The following ITGAL variants were observed in gnomAD, a reference collection of about 807,000 sequenced individuals.
The protein encoded by ITGAL is integrin alpha-L.
In ITGAL, 68 loss-of-function variants were observed where a neutral mutation model predicts 138.4. That is an observed-to-expected ratio of 0.49 (90% confidence interval 0.40 to 0.60). ITGAL has a LOEUF of 0.60. Among genes scored for constraint, ITGAL ranks in the 20% least tolerant of loss-of-function variants. ITGAL has a pLI of 0.00. For synonymous variants in ITGAL, 561 were observed against 584.3 expected, an observed-to-expected ratio of 0.96 and a Z score of 0.57; for missense variants, 1,256 against 1,478.6, an observed-to-expected ratio of 0.85 and a Z score of 2.47.
Position 30,521,540 on chromosome 16 carries a change from G to A in ITGAL, c.3388G>A (p.Gly1130Ser), listed in dbSNP as rs1178727948. The stretch of plus-strand genomic sequence containing the variant: ...GAAGGAGAAGATGGAGGCTGGCAGA[G>A]GTGTCCCGAATGGAATCCCTGCAGA... ...NLKEKMEAGR[G>S]VPNGIPAEDS... The change falls in exon 31 of 31, where the codon GGT becomes AGT. Residue 1130 changes from glycine (G) to serine (S), a missense_variant. By Grantham distance (56) the Gly-to-Ser change is moderately conservative. Coordinates refer to ENST00000356798, the MANE Select transcript of ITGAL (RefSeq NM_002209.3). 5 of 1,614,240 alleles carry A rather than the reference G, an allele frequency of 3.1e-6. No homozygotes were observed. Among genetic ancestry groups the A allele is most frequent in the South Asian group, 1.1e-5 (1 of 91,086 alleles).
intron 25 of ITGAL, 52 bp from the exon 26 acceptor site, chr16:30,516,921 C>T: frequency 7.9e-7 from 1 of 1,263,662 alleles, no homozygotes; most frequent in Non-Finnish European, 1.2e-6. Context: ...GTCTGGGGGG[C>T]AGCTGGGGTG....
At chr16:30,500,217 C>T (rs1388014682) in intron 17 of ITGAL, among the ~76,000 whole-genome samples, 1 of 151,558 alleles carries the variant, frequency 6.6e-6, no homozygotes. Context: ...TCCCGAGTAG[C>T]TGGGATTACA....
intron 11 of ITGAL, among the ~76,000 whole-genome samples, chr16:30,493,612 G>A (rs372147980): frequency 1.1e-4 from 17 of 152,080 alleles, no homozygotes; most frequent in African/African-American, 3.9e-4. Flanking sequence ...AAAAGAGGCC[G>A]GGCACAGTGG....
intron 15 of ITGAL, among the ~76,000 whole-genome samples, chr16:30,497,135 G>A (rs1424836407): frequency 2.6e-5 from 4 of 152,154 alleles, no homozygotes; most frequent in Admixed American, 2.0e-4. Flanking sequence ...ACGAGGTCAG[G>A]AGATGGAGAC....
chr16:30,483,801 C>CTCA, intron 7 of ITGAL, 26 bp from the exon 8 acceptor site: 1 of 1,590,570 alleles, frequency 6.3e-7, no homozygotes, highest in Non-Finnish European at 8.6e-7. Context: ...GGGGGAGTCT[C>CTCA]TCATCTCCTC....
At position 30,494,431 on chromosome 16, in the gene ITGAL, C is replaced by A; in HGVS notation, c.1365+68C>A. 1 of 1,470,526 alleles carries A rather than the reference C, an allele frequency of 6.8e-7. No homozygotes were observed. Among genetic ancestry groups the A allele is most frequent in the Non-Finnish European group, 9.2e-7 (1 of 1,089,054 alleles). The allele number at this position is 1,470,526 out of a possible 1,614,324, so 91.1% of individuals were successfully genotyped here. On this transcript the variant is annotated intron_variant, in intron 12 of 30. Transcript: ENST00000356798. The surrounding 1 kb of genome is among the most constrained non-coding windows in gnomAD (Gnocchi z 4.2). ...GACACACATCACACTCCCTTCTGTC[C>A]TTTGAATGCTCATCCACTTACCATG...
At chr16:30,479,482 T>C in intron 6 of ITGAL, 21 bp downstream of exon 6, 2 of 1,611,022 alleles carry the variant, frequency 1.2e-6, no homozygotes, top group South Asian at 2.2e-5. Flanking sequence ...TAGTTAGGAT[T>C]CTTGGTTGCA....
At position 30,518,685 on chromosome 16, in the gene ITGAL, T is replaced by G. The variant is rs1567493018; in HGVS notation, c.3194T>G (p.Phe1065Cys). 1.2e-6 allele frequency: 2 copies of G among 1,613,848 alleles called. No homozygotes were observed. Among genetic ancestry groups the G allele is most frequent in the Non-Finnish European group, 1.7e-6 (2 of 1,179,926 alleles). ...LSISFNSSKH[F>C]HLYGSNASLA... The stretch of plus-strand genomic sequence containing the variant: ...ATCTCCTTCAACAGCAGCAAGCATT[T>G]CCACCTCTATGGCAGCAACGCCTCC... Residue 1065 changes from phenylalanine (F) to cysteine (C), a missense_variant, in exon 29 of 31, where the codon TTC (phenylalanine) becomes TGC (cysteine). This residue lies in a region of ITGAL where 867 missense variants were observed against 972.5 expected (regional missense o/e 0.89). Coordinates refer to ENST00000356798, the MANE Select transcript of ITGAL (RefSeq NM_002209.3).
intron 1 of ITGAL, chr16:30,473,947 A>T (rs1195074933): frequency 1.6e-6 from 1 of 642,966 alleles, no homozygotes. Context: ...CTAACTTCTC[A>T]TCCTTCCTTT....
Position 30,472,905 on chromosome 16 carries a change from A to C in ITGAL, c.61+7A>C, listed in dbSNP as rs763177110. ...TCTGGGTTCTTTTTCTTCGGTAGGC[A>C]AGGGAGGAGGCAGGGGAAGGGACAT... On this transcript the variant is annotated splice_region_variant and intron_variant, in intron 1 of 30. Coordinates refer to ENST00000356798, the MANE Select transcript of ITGAL (RefSeq NM_002209.3). 1.2e-6 allele frequency: 2 copies of C among 1,612,344 alleles called. No individual in the cohort carries two copies. Among genetic ancestry groups the C allele is most frequent in the South Asian group, 1.1e-5 (1 of 90,508 alleles).
At chr16:30,508,209 AT>A (rs71149036) in intron 21 of ITGAL, among the ~76,000 whole-genome samples, 37,423 of 94,954 alleles carry the variant, frequency 0.39, 6,239 homozygotes, top group South Asian at 0.66. Flanking sequence ...CGCCCGGCCT[AT>A]TTTTTTTTTT....
At chr16:30,502,193 T>C (rs11859989) in intron 17 of ITGAL, among the ~76,000 whole-genome samples, 14,184 of 151,274 alleles carry the variant, frequency 0.094, 723 homozygotes, top group Non-Finnish European at 0.13. Flanking sequence ...GTGAGGAGAT[T>C]GAGACCATCC....
intron 13 of ITGAL, 22 bp from the exon 14 acceptor site, chr16:30,496,075 C>A: frequency 3.1e-6 from 5 of 1,603,302 alleles, no homozygotes; most frequent in Non-Finnish European, 4.3e-6. Context: ...TTGGGTGTGA[C>A]CTGTCTCTTG....
Position 30,522,032 on chromosome 16 carries a change from T to C in ITGAL, c.*367T>C. 1 of 213,176 alleles carries C rather than the reference T, an allele frequency of 4.7e-6. No homozygotes were observed. The highest frequency in any genetic ancestry group is 1.2e-4 in the East Asian group (1 of 8,526). 13.2% of individuals were successfully genotyped at this position (213,176 alleles called of 1,614,324 possible). A position where few individuals can be genotyped will look rare whatever the true frequency, so the allele number is the denominator to read the frequency against. ...CTGCCCTGGGATGTCCACAGATGCC[T>C]CCACCCCCCAGAACCTGTCCTTGCA... On this transcript the variant is annotated 3_prime_UTR_variant, in exon 31 of 31. Coordinates refer to ENST00000356798, the MANE Select transcript of ITGAL (RefSeq NM_002209.3). The surrounding 1 kb of genome is among the most constrained non-coding windows in gnomAD (Gnocchi z 4.0).
intron 21 of ITGAL, among the ~76,000 whole-genome samples, 161 bp from the exon 22 acceptor site, chr16:30,510,200 T>C (rs1200424143): frequency 3.3e-5 from 5 of 152,168 alleles, no homozygotes; most frequent in African/African-American, 1.2e-4. Context: ...TATTTTGTAC[T>C]AAGCCTCTGT....
At chr16:30,499,659 T>A (rs574616173) in intron 17 of ITGAL, 170 bp downstream of exon 17, 22 of 242,586 alleles carry the variant, frequency 9.1e-5, no homozygotes, top group East Asian at 4.0e-4. Context: ...GTGTTTTTTT[T>A]AAATTATATA....
intron 1 of ITGAL, 88 bp from the exon 2 acceptor site, chr16:30,474,108 T>A (rs774520177): frequency 1.1e-4 from 103 of 976,776 alleles, no homozygotes; most frequent in Non-Finnish European, 1.2e-4. Context: ...GGGAGCGACA[T>A]CCGGGTGGGC....
At chr16:30,475,721 A>G in intron 4 of ITGAL, 141 bp downstream of exon 4, 1 of 530,234 alleles carries the variant, frequency 1.9e-6, no homozygotes. Flanking sequence ...TTGAGAACCA[A>G]TGATGAACCA....
At chr16:30,519,393 A>G (rs1404692893) in intron 29 of ITGAL, among the ~76,000 whole-genome samples, 1 of 152,146 alleles carries the variant, frequency 6.6e-6, no homozygotes, top group Non-Finnish European at 1.5e-5. Context: ...AAAAAAAAAA[A>G]AAATCAATCT....
Sources: allele counts gnomAD v4.1 joint callset (sites outside exome capture counted in the v4.1 genomes callset), GRCh38; gene constraint gnomAD v4.1.1; regional missense constraint gnomAD v4.1.1; non-coding constraint Gnocchi (gnomAD v3.1); transcripts MANE v1.5; gene names NCBI Gene and HGNC (gene_info 2026-07-23, HGNC 2026-07-21).